Variants in NLGN4X observed in about 807,000 individuals in gnomAD.
NLGN4X encodes the protein neuroligin 4 X-linked, also known as neuroligin-4, X-linked.
Under a neutral mutation model 40.3 loss-of-function variants are expected in NLGN4X, and 3 were observed. The ratio of observed to expected loss-of-function variants is 0.07; its 90% confidence interval spans 0.03 to 0.19. The LOEUF (loss-of-function observed/expected upper bound fraction) is 0.19, where lower values mean the gene tolerates loss of function less well. NLGN4X is among the 10% of genes least tolerant of loss of function. The probability of loss-of-function intolerance (pLI) is 1.00; values close to 1 mark genes in which losing one functional copy is unlikely to be tolerated. For missense variants in NLGN4X, 382 were observed against 708.3 expected, an observed-to-expected ratio of 0.54 and a Z score of 5.23; for synonymous variants, 270 against 306.8, an observed-to-expected ratio of 0.88 and a Z score of 1.25.
intron 1 of NLGN4X, among the ~76,000 whole-genome samples, chrX:6,157,371 G>A (rs939671302): frequency 8.9e-6 from 1 of 112,020 alleles, no homozygotes; most frequent in African/African-American, 3.2e-5. Flanking sequence ...AATTGGATAA[G>A]AGGATATTCC....
rs190739626 is a variant in NLGN4X, at chrX:6,225,252, T to C, written c.-306+3289A>G. Among the ~76,000 whole-genome samples, 1,015 of 107,574 alleles carry C rather than the reference T, an allele frequency of 9.4e-3. 3 individuals carry two copies. Among genetic ancestry groups the C allele is most frequent in the Non-Finnish European group, 0.015 (777 of 52,052 alleles). The allele number at this position is 107,574 out of a possible 115,157, so 93.4% of individuals were successfully genotyped here. A position where few individuals can be genotyped will look rare whatever the true frequency, so the allele number is the denominator to read the frequency against. On this transcript the variant is annotated intron_variant, in intron 1 of 5. Coordinates refer to ENST00000381095, the MANE Select transcript of NLGN4X (RefSeq NM_181332.3). ...TAATGCAACCATGTGCCATTAGCCA[T>C]CCCTCCCCCACTTAACATTTTGCTC... is the stretch of plus-strand genomic sequence containing the variant.
chrX:6,004,944 A>G (rs1407387630), intron 3 of NLGN4X, among the ~76,000 whole-genome samples: 4 of 111,835 alleles, frequency 3.6e-5, no homozygotes, highest in Non-Finnish European at 1.9e-5. Flanking sequence ...TGAAGGATCA[A>G]GATGCAATTA....
intron 1 of NLGN4X, among the ~76,000 whole-genome samples, chrX:6,194,583 T>C (rs1398185791): frequency 4.5e-5 from 5 of 111,807 alleles, no homozygotes; most frequent in Non-Finnish European, 9.4e-5. Context: ...ATAAGGCCTT[T>C]GGGTTTCATA....
intron 1 of NLGN4X, among the ~76,000 whole-genome samples, chrX:6,203,099 T>C (rs758400063): frequency 8.9e-6 from 1 of 112,558 alleles, no homozygotes; most frequent in Non-Finnish European, 1.9e-5. Flanking sequence ...CTTAAATAAT[T>C]CTGCAAAAGT....
chrX:6,083,970 C>T lies in NLGN4X; in HGVS notation c.473-54538G>A, dbSNP rs141403734. ...GCAGATAGTTGAAGATAAGAAGATG[C>T]AATGAATTACCTAGACATACAATAT... is the stretch of plus-strand genomic sequence containing the variant. On this transcript the variant is annotated intron_variant, in intron 2 of 5. Transcript: ENST00000381095. Among the ~76,000 whole-genome samples the T allele has an allele frequency of 8.0e-4, 89 of 111,767 alleles. No homozygotes were observed. In the East Asian group the frequency reaches 0.024, roughly 30 times the overall value.
intron 2 of NLGN4X, among the ~76,000 whole-genome samples, chrX:6,094,862 T>C (rs1447988117): frequency 8.1e-5 from 9 of 110,729 alleles, no homozygotes; most frequent in Non-Finnish European, 1.7e-4. Context: ...TGAAGGGAAG[T>C]AGAGACATGA....
intron 1 of NLGN4X, among the ~76,000 whole-genome samples, chrX:6,160,572 C>A (rs927330230): frequency 9.2e-6 from 1 of 108,318 alleles, no homozygotes; most frequent in African/African-American, 3.3e-5. Context: ...ACTCTGTCAC[C>A]CAGGCTGGAG....
chrX:6,140,255 A>G (rs920040494), intron 2 of NLGN4X, among the ~76,000 whole-genome samples: 1 of 111,532 alleles, frequency 9.0e-6, no homozygotes, highest in East Asian at 2.8e-4. Flanking sequence ...AAACTTGAGG[A>G]CCGTGCAGAC....
At position 5,953,634 on chromosome X, in the gene NLGN4X, T is replaced by A. The variant is rs5961898; in HGVS notation, c.626-44395A>T. On this transcript the variant is annotated intron_variant, in intron 3 of 5. Transcript: ENST00000381095. The stretch of plus-strand genomic sequence containing the variant: ...ATAGTTAAAATTAAAGTGAAAGACA[T>A]CATTGTGTGTATTTGAAGAGAAACA... Among the ~76,000 whole-genome samples, 935 of 111,754 alleles carry A rather than the reference T, an allele frequency of 8.4e-3. 9 individuals carry two copies. Among genetic ancestry groups the A allele is most frequent in the African/African-American group, 0.029 (900 of 30,755 alleles).
At chrX:5,950,540 T>C (rs914817634) in intron 3 of NLGN4X, among the ~76,000 whole-genome samples, 1 of 112,137 alleles carries the variant, frequency 8.9e-6, no homozygotes, top group Non-Finnish European at 1.9e-5. Flanking sequence ...TGGTTTTCTG[T>C]GGTTTCCTCA....
In NLGN4X at chrX:6,071,129, A is replaced by C. The variant is rs1169952149; in HGVS notation, c.473-41697T>G. Reference sequence around the variant, plus strand: ...GGGCAAGACAGTGACTTAAAAAAAAATGTACTTTTCATAAACTTGGGCAGA... The same window carrying C: ...GGGCAAGACAGTGACTTAAAAAAAACTGTACTTTTCATAAACTTGGGCAGA... On this transcript the variant is annotated intron_variant, in intron 2 of 5. Transcript: ENST00000381095. Among the ~76,000 whole-genome samples the C allele has an allele frequency of 3.6e-5, 4 of 111,788 alleles. No homozygotes were observed. The South Asian group carries it at 1.1e-3, about 32-fold the overall frequency.
At chrX:6,106,311 A>T (rs777850243) in intron 2 of NLGN4X, among the ~76,000 whole-genome samples, 2 of 111,723 alleles carry the variant, frequency 1.8e-5, no homozygotes, top group South Asian at 7.5e-4. Flanking sequence ...AGAACAGTAA[A>T]CAAAACAAAC....
chrX:5,925,859 T>TA (rs1164558043), intron 3 of NLGN4X, among the ~76,000 whole-genome samples: 2 of 58,956 alleles, frequency 3.4e-5, no homozygotes, highest in East Asian at 1.3e-3. Context: ...CACATATATA[T>TA]ATATATATAT....
intron 2 of NLGN4X, among the ~76,000 whole-genome samples, chrX:6,042,341 C>T (rs982446893): frequency 1.8e-5 from 2 of 110,244 alleles, no homozygotes; most frequent in African/African-American, 3.3e-5. Flanking sequence ...TATTAGAGTC[C>T]TAGAGCATTG....
chrX:5,925,438 C>A (rs1459412732), intron 3 of NLGN4X, among the ~76,000 whole-genome samples: 1 of 111,033 alleles, frequency 9.0e-6, no homozygotes, highest in East Asian at 2.9e-4. Context: ...ACCGTCCCAT[C>A]AAATTTTATC....
chrX:6,055,913 C>T (rs1233640475), intron 2 of NLGN4X, among the ~76,000 whole-genome samples: 1 of 111,482 alleles, frequency 9.0e-6, no homozygotes, highest in African/African-American at 3.3e-5. Flanking sequence ...TTTGATAGTC[C>T]AAGATGTTGG....
chrX:5,896,431 T>C (rs2031497353), intron 5 of NLGN4X, among the ~76,000 whole-genome samples: 1 of 111,703 alleles, frequency 9.0e-6, no homozygotes, highest in Non-Finnish European at 1.9e-5. Context: ...GGTATCAGTG[T>C]TTTGTTTTTT....
chrX:6,009,972 T>C (rs1000326832), intron 3 of NLGN4X, among the ~76,000 whole-genome samples: 3 of 112,314 alleles, frequency 2.7e-5, no homozygotes, highest in African/African-American at 9.7e-5. Context: ...CTATGGCGAT[T>C]TGAATTTGAG....
At chrX:6,029,243 C>G in intron 3 of NLGN4X, 37 bp downstream of exon 3, 1 of 1,201,840 alleles carries the variant, frequency 8.3e-7, no homozygotes, top group Non-Finnish European at 1.1e-6. Context: ...TTTCATGTTT[C>G]CTCTTGCTCA....
Sources: allele counts gnomAD v4.1 joint callset (sites outside exome capture counted in the v4.1 genomes callset), GRCh38; gene constraint gnomAD v4.1.1; transcripts MANE v1.5; gene names NCBI Gene and HGNC (gene_info 2026-07-23, HGNC 2026-07-21).